RIC1: variants seen among roughly 807,000 people sequenced by gnomAD.
The protein encoded by RIC1 is guanine nucleotide exchange factor subunit RIC1.
RIC1 carries 88 observed loss-of-function variants against 169.0 expected under a neutral mutation model. The observed-to-expected ratio is 0.52, with a 90% confidence interval of 0.44 to 0.62. The LOEUF (loss-of-function observed/expected upper bound fraction) is 0.62. Ranked by LOEUF, RIC1 falls within the 20% of genes least tolerant of loss-of-function variation. The pLI, the probability that RIC1 is intolerant of heterozygous loss-of-function variation, is 0.00. For missense variants in RIC1, 1,877 were observed against 1,725.5 expected, an observed-to-expected ratio of 1.09 and a Z score of -1.56; for synonymous variants, 790 against 601.5, an observed-to-expected ratio of 1.31 and a Z score of -4.59.
chr9:5,679,747 C>G (rs1009598888), intron 2 of RIC1, among the ~76,000 whole-genome samples: 1 of 152,152 alleles, frequency 6.6e-6, no homozygotes, highest in Non-Finnish European at 1.5e-5. Flanking sequence ...TGGGCTGATA[C>G]GATGGGGTTT....
chr9:5,661,208 C>G (rs1356158430), intron 2 of RIC1, among the ~76,000 whole-genome samples: 1 of 152,112 alleles, frequency 6.6e-6, no homozygotes. Flanking sequence ...TATTCTTGTG[C>G]CAGTACCATG....
chr9:5,774,986 T>C lies in RIC1; in HGVS notation c.*740T>C, dbSNP rs911605299. 14 of 152,252 alleles carry C rather than the reference T, an allele frequency of 9.2e-5. No individual in the cohort carries two copies. The highest frequency in any genetic ancestry group is 3.1e-4 in the African/African-American group (13 of 41,462). The allele number at this position is 152,252 out of a possible 1,614,324, so 9.4% of individuals were successfully genotyped here. On this transcript the variant is annotated 3_prime_UTR_variant, in exon 26 of 26. Transcript: ENST00000414202. ...CTTTTTGTGAATACTCTTGTGTAAA[T>C]ATATTCAAAGGCACTGTTCATATTT...
In RIC1 at chr9:5,774,242, C is replaced by T; in HGVS notation, c.4268C>T (p.Ser1423Phe). Residue 1423 changes from serine (S) to phenylalanine (F), a missense_variant, in exon 26 of 26, where the codon TCC (serine) becomes TTC (phenylalanine). Coordinates refer to ENST00000414202, the MANE Select transcript of RIC1 (RefSeq NM_020829.4). ...FQDGTYDCSV[S>F] ...GATGGGACTTACGACTGTTCTGTGTCCTAACAGTGAGGTTCCATCACAAAG... is the reference window on the plus strand; with the variant it reads ...GATGGGACTTACGACTGTTCTGTGTTCTAACAGTGAGGTTCCATCACAAAG... 4 of 1,601,066 alleles carry T rather than the reference C, an allele frequency of 2.5e-6. No homozygotes were observed. Among genetic ancestry groups the T allele is most frequent in the Non-Finnish European group, 8.5e-7 (1 of 1,172,942 alleles).
chr9:5,711,771 T>G (rs1586995671), intron 3 of RIC1, among the ~76,000 whole-genome samples: 1 of 152,188 alleles, frequency 6.6e-6, no homozygotes, highest in Admixed American at 6.5e-5. Flanking sequence ...GTCCCTTTCC[T>G]GTGTCCAAGT....
At chr9:5,734,961 G>A (rs946362201) in intron 7 of RIC1, among the ~76,000 whole-genome samples, 2 of 151,920 alleles carry the variant, frequency 1.3e-5, no homozygotes, top group African/African-American at 2.4e-5. Flanking sequence ...ATCCCTAATA[G>A]GATCTAATAC....
At chr9:5,635,808 G>A (rs577535906) in intron 1 of RIC1, among the ~76,000 whole-genome samples, 68 of 152,268 alleles carry the variant, frequency 4.5e-4, no homozygotes, top group African/African-American at 1.5e-3. Flanking sequence ...TACACGCTCT[G>A]TCTCTCTCTT....
chr9:5,725,519 C>T (rs1470179289), intron 6 of RIC1, among the ~76,000 whole-genome samples: 1 of 151,930 alleles, frequency 6.6e-6, no homozygotes, highest in Non-Finnish European at 1.5e-5. Flanking sequence ...CTCCTGCATT[C>T]ATTGATTTTT....
chr9:5,670,429 T>G (rs2130560141), intron 2 of RIC1, among the ~76,000 whole-genome samples: 1 of 152,340 alleles, frequency 6.6e-6, no homozygotes. Context: ...ATTGATTCCA[T>G]AGCTTGCCTG....
In RIC1 at chr9:5,668,493, C is replaced by G. The variant is rs184152463; in HGVS notation, c.252+11803C>G. On this transcript the variant is annotated intron_variant, in intron 2 of 25. Coordinates refer to ENST00000414202, the MANE Select transcript of RIC1 (RefSeq NM_020829.4). The stretch of plus-strand genomic sequence containing the variant: ...TGACATTTTCAACCATTTCTCTTTC[C>G]TCCATACTTCTATTCCTATATTATG... Among the ~76,000 whole-genome samples, 72 of 152,250 alleles carry G rather than the reference C, an allele frequency of 4.7e-4. 1 individual carries two copies. In the East Asian group the frequency reaches 0.01, roughly 21 times the overall value.
At chr9:5,669,509 C>G (rs1819968615) in intron 2 of RIC1, among the ~76,000 whole-genome samples, 1 of 152,112 alleles carries the variant, frequency 6.6e-6, no homozygotes, top group South Asian at 2.1e-4. Context: ...TATATATATA[C>G]CACATTTTCT....
At chr9:5,652,238 G>T (rs1042319780) in intron 1 of RIC1, among the ~76,000 whole-genome samples, 1 of 152,296 alleles carries the variant, frequency 6.6e-6, no homozygotes, top group Middle Eastern at 3.4e-3. Flanking sequence ...GTTTTCCACT[G>T]CTGTGAGGCA....
intron 1 of RIC1, among the ~76,000 whole-genome samples, chr9:5,637,302 C>G (rs1395026200): frequency 8.5e-5 from 13 of 152,050 alleles, no homozygotes; most frequent in Admixed American, 7.9e-4. Context: ...CTCCTGAGCT[C>G]AAGTGATCCA....
Position 5,765,190 on chromosome 9 carries a change from T to C in RIC1, c.2842-224T>C, listed in dbSNP as rs190421762. The C allele has an allele frequency of 9.1e-4, 429 of 471,396 alleles. 1 individual carries two copies. The highest frequency in any genetic ancestry group is 1.4e-3 in the Non-Finnish European group (376 of 268,118). The allele number at this position is 471,396 out of a possible 1,614,324, so 29.2% of individuals were successfully genotyped here. Reference sequence around the variant, plus strand: ...AATGAAATGACTTAAAGTATATGTATGCTATCTGGCATGTAGTAGGAGTTT... The same window carrying C: ...AATGAAATGACTTAAAGTATATGTACGCTATCTGGCATGTAGTAGGAGTTT... On this transcript the variant is annotated intron_variant, in intron 19 of 25. Transcript: ENST00000414202.
At chr9:5,767,785 C>T (rs1275188389) in intron 21 of RIC1, among the ~76,000 whole-genome samples, 1 of 151,978 alleles carries the variant, frequency 6.6e-6, no homozygotes, top group Non-Finnish European at 1.5e-5. Context: ...CGGGGTTTCT[C>T]CGTATTGGTC....
intron 1 of RIC1, among the ~76,000 whole-genome samples, chr9:5,639,622 A>T (rs1818138135): frequency 6.6e-6 from 1 of 152,192 alleles, no homozygotes; most frequent in Admixed American, 6.5e-5. Flanking sequence ...AGTGCAGATT[A>T]AGTCCGATGT....
rs1186548707 is a variant in RIC1 at position 5,684,524 on chromosome 9, AT to A, written c.253-5428del. On this transcript the variant is annotated intron_variant, in intron 2 of 25. Transcript: ENST00000414202. Reference sequence around the variant, plus strand: ...ATATCTCACAACTTTAATGTTACTGATTTTTTTCATTTTCTAATTGTTCTTA... The same window carrying A: ...ATATCTCACAACTTTAATGTTACTGATTTTTTCATTTTCTAATTGTTCTTA... 4.6e-5 allele frequency among the ~76,000 whole-genome samples: 7 copies of A among 151,642 alleles called. No homozygotes were observed. The South Asian group carries it at 8.3e-4, about 18-fold the overall frequency.
rs867843347 is a variant in RIC1 at position 5,641,816 on chromosome 9, C to T, written c.144+12363C>T. On this transcript the variant is annotated intron_variant, in intron 1 of 25. Transcript: ENST00000414202. ...TTAAAATGTGATAGAATTCTGAGGT[C>T]CTTCTCTGTGTTATCTTCAATTTCT... 2.8e-5 allele frequency among the ~76,000 whole-genome samples: 4 copies of T among 143,956 alleles called. 1 individual carries two copies. Among genetic ancestry groups the T allele is most frequent in the African/African-American group, 1.1e-4 (4 of 34,920 alleles). The allele number at this position is 143,956 out of a possible 152,430, so 94.4% of individuals were successfully genotyped here. A position where few individuals can be genotyped will look rare whatever the true frequency, so the allele number is the denominator to read the frequency against.
Position 5,743,876 on chromosome 9 carries a change from C to G in RIC1, c.1095+139C>G, listed in dbSNP as rs1825223648. The G allele has an allele frequency of 9.4e-6, 6 of 638,290 alleles. No individual in the cohort carries two copies. In the South Asian group the frequency reaches 1.1e-4, roughly 12 times the overall value. 39.5% of individuals were successfully genotyped at this position (638,290 alleles called of 1,614,324 possible). ...CCCAGGTTGGAGAGCAGTGGCAGAT[C>G]ATAGCTCACTGCAGCCTCTCTAAGC... On this transcript the variant is annotated intron_variant, in intron 10 of 25. Transcript: ENST00000414202.
chr9:5,656,843 G>T (rs545634855), intron 2 of RIC1, among the ~76,000 whole-genome samples, 153 bp downstream of exon 2: 2 of 152,150 alleles, frequency 1.3e-5, no homozygotes, highest in Non-Finnish European at 2.9e-5. Context: ...ATTCTATGTG[G>T]ATTACTCCTA....
Sources: allele counts gnomAD v4.1 joint callset (sites outside exome capture counted in the v4.1 genomes callset), GRCh38; gene constraint gnomAD v4.1.1; transcripts MANE v1.5; gene names NCBI Gene and HGNC (gene_info 2026-07-23, HGNC 2026-07-21).